The following ANTXR2 variants were observed in gnomAD, a reference collection of about 807,000 sequenced individuals.
ANTXR2 encodes the protein ANTXR cell adhesion molecule 2.
A neutral mutation model predicts 73.7 loss-of-function variants in ANTXR2; 44 were observed. That is an observed-to-expected ratio of 0.60 (90% CI 0.47 to 0.77). ANTXR2 has a LOEUF of 0.77. ANTXR2 is among the 30% of genes least tolerant of loss of function. The pLI is 0.00. For synonymous variants in ANTXR2, 217 were observed against 205.9 expected (o/e 1.05, Z -0.46); for missense variants, 604 against 592.5 (o/e 1.02, Z -0.20).
chr4:79,911,115 G>A (rs2109928975), intron 16 of ANTXR2, among the ~76,000 whole-genome samples: 1 of 152,206 alleles, frequency 6.6e-6, no homozygotes, highest in South Asian at 2.1e-4. Context: ...TGGATGTTTG[G>A]GCTGCCATTT....
chr4:79,990,982 T>C (rs1259277642), intron 12 of ANTXR2, among the ~76,000 whole-genome samples: 2 of 151,978 alleles, frequency 1.3e-5, no homozygotes, highest in African/African-American at 2.4e-5. Context: ...AATTCTTAAA[T>C]ATAAAACCTA....
At chr4:80,071,723 T>G in intron 1 of ANTXR2, 69 bp from the exon 2 acceptor site, 3 of 1,333,622 alleles carry the variant, frequency 2.2e-6, no homozygotes, top group Non-Finnish European at 3.2e-6. Context: ...TTTGAAATGG[T>G]TCCTTCTTCA....
chr4:79,948,427 C>T (rs755540250), intron 16 of ANTXR2, among the ~76,000 whole-genome samples: 65 of 152,240 alleles, frequency 4.3e-4, no homozygotes, highest in South Asian at 1.5e-3. Flanking sequence ...TCAGGCATGA[C>T]TTATTTTGTT....
intron 11 of ANTXR2, among the ~76,000 whole-genome samples, chr4:80,018,124 T>A (rs548215193): frequency 6.6e-6 from 1 of 152,116 alleles, no homozygotes; most frequent in South Asian, 2.1e-4. Context: ...TGTGAGAAAA[T>A]GTTTAGGTTT....
In ANTXR2 at chr4:80,054,421, C is replaced by A. The variant is rs1733898441; in HGVS notation, c.556-69G>T. On this transcript the variant is annotated intron_variant, in intron 6 of 16. Coordinates refer to ENST00000403729, the MANE Select transcript of ANTXR2 (RefSeq NM_058172.6). The stretch of plus-strand genomic sequence containing the variant: ...ATACAACAATTTATAAACTTCGTTA[C>A]ATTTCAGTTATGTTCATCTGAAAAA... 3 of 1,140,452 alleles carry A rather than the reference C, an allele frequency of 2.6e-6. No homozygotes were observed. The East Asian group carries it at 7.5e-5, about 28-fold the overall frequency. The allele number at this position is 1,140,452 out of a possible 1,614,324, so 70.6% of individuals were successfully genotyped here.
At position 79,905,752 on chromosome 4, in the gene ANTXR2, C is replaced by G. The variant is rs1028125821; in HGVS notation, c.*1677G>C. 2 of 152,504 alleles carry G rather than the reference C, an allele frequency of 1.3e-5. No homozygotes were observed. The highest frequency in any genetic ancestry group is 2.9e-5 in the Non-Finnish European group (2 of 68,046). 9.4% of individuals were successfully genotyped at this position (152,504 alleles called of 1,614,324 possible). A position where few individuals can be genotyped will look rare whatever the true frequency, so the allele number is the denominator to read the frequency against. On this transcript the variant is annotated 3_prime_UTR_variant, in exon 17 of 17. Coordinates refer to ENST00000403729, the MANE Select transcript of ANTXR2 (RefSeq NM_058172.6). ...TGCCACAAACCTGGACACCAACCAACAGAATACTCCCGTCCTTTGAAATTT... is the reference window on the plus strand; with the variant it reads ...TGCCACAAACCTGGACACCAACCAAGAGAATACTCCCGTCCTTTGAAATTT...
rs973465044 is a variant in ANTXR2 at position 80,033,482 on chromosome 4, T to C, written c.786A>G (p.Thr262=). The part of the protein sequence containing the change: ...SVLCTYTVNE[T]YTTSVKPVSV... ...TTACTGGGGACCTACTCGTTGTATA[T>C]GTTTCATTTACAGTGTAAGTGCAGA... Residue 262 remains threonine, a synonymous_variant, in exon 9 of 17, where the codon ACA becomes ACG. Coordinates refer to ENST00000403729, the MANE Select transcript of ANTXR2 (RefSeq NM_058172.6). 2.5e-6 allele frequency: 4 copies of C among 1,598,882 alleles called. No homozygotes were observed. The highest frequency in any genetic ancestry group is 1.7e-4 in the Middle Eastern group (1 of 6,056).
At chr4:79,977,380 A>T in intron 16 of ANTXR2, 1 of 405,962 alleles carries the variant, frequency 2.5e-6, no homozygotes, top group Non-Finnish European at 3.3e-6. Flanking sequence ...AAGTATGTGT[A>T]CAAATGACCA....
intron 16 of ANTXR2, among the ~76,000 whole-genome samples, chr4:79,951,335 T>A (rs1272415329): frequency 6.6e-6 from 1 of 152,014 alleles, no homozygotes; most frequent in African/African-American, 2.4e-5. Flanking sequence ...ATCCCAGCAC[T>A]TTGGGAGGCT....
At chr4:80,044,743 G>A (rs1185241199) in intron 7 of ANTXR2, among the ~76,000 whole-genome samples, 6 of 151,372 alleles carry the variant, frequency 4.0e-5, no homozygotes, top group African/African-American at 1.5e-4. Flanking sequence ...TACTATATCT[G>A]GAAAACAGAA....
chr4:79,961,178 G>A (rs1334494567), intron 16 of ANTXR2, among the ~76,000 whole-genome samples: 2 of 151,838 alleles, frequency 1.3e-5, no homozygotes, highest in Non-Finnish European at 2.9e-5. Flanking sequence ...GTAGAATAAT[G>A]TAGATTTCTG....
At chr4:79,912,815 TTACTC>T (rs1379027243) in intron 16 of ANTXR2, among the ~76,000 whole-genome samples, 1 of 152,122 alleles carries the variant, frequency 6.6e-6, no homozygotes, top group East Asian at 1.9e-4. Flanking sequence ...TTCATCTATT[TTACTC>T]TATTCTACAG....
chr4:79,993,257 G>A (rs1338408175), intron 12 of ANTXR2, among the ~76,000 whole-genome samples: 1 of 150,744 alleles, frequency 6.6e-6, no homozygotes, highest in Non-Finnish European at 1.5e-5. Flanking sequence ...AAAGGAGGGA[G>A]GAAGGGATAA....
At chr4:80,004,323 C>T (rs549233013) in intron 12 of ANTXR2, among the ~76,000 whole-genome samples, 2 of 152,062 alleles carry the variant, frequency 1.3e-5, no homozygotes, top group East Asian at 3.9e-4. Context: ...TGGGGAATAT[C>T]AGAAAATTCA....
chr4:79,932,361 T>A (rs544807513), intron 16 of ANTXR2, among the ~76,000 whole-genome samples: 1 of 152,236 alleles, frequency 6.6e-6, no homozygotes, highest in South Asian at 2.1e-4. Context: ...AACCAAGGCC[T>A]TAAGCATGCA....
rs971942446 is a variant in ANTXR2, at chr4:79,951,064, T to G, written c.1428+26557A>C. On this transcript the variant is annotated intron_variant, in intron 16 of 16. Transcript: ENST00000403729. ...TCAGTCCTTCTAAGAGTATACTGCC[T>G]GTCACCAAGATAATACTTGTAGGAA... Among the ~76,000 whole-genome samples the G allele has an allele frequency of 3.3e-5, 5 of 152,296 alleles. No homozygotes were observed. The South Asian group carries it at 6.2e-4, about 19-fold the overall frequency.
At chr4:79,925,518 G>A (rs1169773216) in intron 16 of ANTXR2, among the ~76,000 whole-genome samples, 1 of 151,928 alleles carries the variant, frequency 6.6e-6, no homozygotes, top group African/African-American at 2.4e-5. Flanking sequence ...AGGTTATTGA[G>A]ACTCAAAATT....
At chr4:80,006,022 T>A (rs181488729) in intron 12 of ANTXR2, among the ~76,000 whole-genome samples, 1 of 152,156 alleles carries the variant, frequency 6.6e-6, no homozygotes, top group African/African-American at 2.4e-5. Flanking sequence ...TGATTCCACA[T>A]GCACTTCATC....
chr4:80,048,267 TA>T lies in ANTXR2; in HGVS notation c.636+6004del, dbSNP rs557989348. Among the ~76,000 whole-genome samples the T allele has an allele frequency of 6.7e-3, 821 of 122,668 alleles. 20 individuals carry two copies. The highest frequency in any genetic ancestry group is 0.039 in the Admixed American group (470 of 11,904). The allele number at this position is 122,668 out of a possible 152,430, so 80.5% of individuals were successfully genotyped here. A position where few individuals can be genotyped will look rare whatever the true frequency, so the allele number is the denominator to read the frequency against. ...ACCCAACACTAGATTAAGCATTAGG[TA>T]AAAAAAAAAAAAAACAAAAACAGGA... On this transcript the variant is annotated intron_variant, in intron 7 of 16. Coordinates refer to ENST00000403729, the MANE Select transcript of ANTXR2 (RefSeq NM_058172.6).
Sources: allele counts gnomAD v4.1 joint callset (sites outside exome capture counted in the v4.1 genomes callset), GRCh38; gene constraint gnomAD v4.1.1; transcripts MANE v1.5; gene names NCBI Gene and HGNC (gene_info 2026-07-23, HGNC 2026-07-21).